PFKP: variants seen among roughly 807,000 people sequenced by gnomAD.
PFKP encodes the protein ATP-dependent 6-phosphofructokinase, platelet type.
PFKP carries 101 observed loss-of-function variants against 94.3 expected under a neutral mutation model. That is an observed-to-expected ratio of 1.07 (90% CI 0.91 to 1.26). The LOEUF (loss-of-function observed/expected upper bound fraction) is 1.26, where lower values mean the gene tolerates loss of function less well. Ranked by LOEUF, PFKP falls within the 50% of genes most tolerant of loss-of-function variation. The probability of loss-of-function intolerance (pLI) is 0.00; values close to 1 mark genes in which losing one functional copy is unlikely to be tolerated. For missense variants in PFKP, 1,145 were observed against 1,103.3 expected (o/e 1.04, Z -0.53); for synonymous variants, 573 against 432.6 (o/e 1.32, Z -4.03).
intron 2 of PFKP, among the ~76,000 whole-genome samples, chr10:3,098,723 G>A (rs1834713675): frequency 6.8e-6 from 1 of 147,584 alleles, no homozygotes; most frequent in Non-Finnish European, 1.5e-5. Flanking sequence ...CTATCAATGT[G>A]TCCTCACATA....
Position 3,132,360 on chromosome 10 carries a change from A to G in PFKP, c.1849-20A>G. On this transcript the variant is annotated intron_variant, in intron 17 of 21. Coordinates refer to ENST00000381125, the MANE Select transcript of PFKP (RefSeq NM_002627.5). ...CTTAGTAGAAGTTTATTGTCTGATTAACAAAATACTCTCTTCCAGTCCAAC... is the reference window on the plus strand; with the variant it reads ...CTTAGTAGAAGTTTATTGTCTGATTGACAAAATACTCTCTTCCAGTCCAAC... 4.4e-6 allele frequency: 7 copies of G among 1,584,554 alleles called. No homozygotes were observed. The highest frequency in any genetic ancestry group is 6.1e-6 in the Non-Finnish European group (7 of 1,153,352).
At chr10:3,103,612 G>GT (rs536826828) in intron 4 of PFKP, among the ~76,000 whole-genome samples, 167 bp from the exon 5 acceptor site, 74 of 152,356 alleles carry the variant, frequency 4.9e-4, no homozygotes, top group African/African-American at 1.8e-3. Context: ...CTGGTCAACA[G>GT]TGAGACCCTG....
At chr10:3,130,313 G>C (rs184428157) in intron 17 of PFKP, among the ~76,000 whole-genome samples, 1 of 152,210 alleles carries the variant, frequency 6.6e-6, no homozygotes. Flanking sequence ...CCACGTCTGC[G>C]ACAGGCTCTG....
In PFKP at chr10:3,112,301, A is replaced by T. The variant is rs1391646560; in HGVS notation, c.1154+15A>T. ...CTCCGAGGGAGGTGAGGTGCTTTGG[A>T]GAAAGCTCTGCCCTGTCAGGAACAC... On this transcript the variant is annotated intron_variant, in intron 11 of 21. Transcript: ENST00000381125. 1 of 1,606,030 alleles carries T rather than the reference A, an allele frequency of 6.2e-7. No homozygotes were observed. The highest frequency in any genetic ancestry group is 1.3e-5 in the African/African-American group (1 of 74,864).
chr10:3,125,129 A>T, intron 16 of PFKP: 1 of 1,334,030 alleles, frequency 7.5e-7, no homozygotes, highest in South Asian at 1.2e-5. Context: ...TGGCCGAGGC[A>T]CGAGGCCGCC....
chr10:3,130,636 T>C (rs542070756), intron 17 of PFKP, among the ~76,000 whole-genome samples: 1 of 152,332 alleles, frequency 6.6e-6, no homozygotes, highest in South Asian at 2.1e-4. Flanking sequence ...CTCGGCTTAC[T>C]GCAACCTCCA....
In PFKP at chr10:3,109,337, C is replaced by T. The variant is rs1370636461; in HGVS notation, c.964-18C>T. On this transcript the variant is annotated intron_variant, in intron 9 of 21. Transcript: ENST00000381125. Reference sequence around the variant, plus strand: ...AGGACGGGAGGCTGCCCCTGACCCACATGGACCTGGTTTCCAGGCCAGCCG... The same window carrying T: ...AGGACGGGAGGCTGCCCCTGACCCATATGGACCTGGTTTCCAGGCCAGCCG... The T allele has an allele frequency of 3.1e-6, 5 of 1,607,650 alleles. No individual in the cohort carries two copies. The highest frequency in any genetic ancestry group is 4.2e-6 in the Non-Finnish European group (5 of 1,179,970).
chr10:3,135,859 G>C (rs748858988), intron 21 of PFKP, 21 bp downstream of exon 21: 1 of 1,426,592 alleles, frequency 7.0e-7, no homozygotes, highest in Non-Finnish European at 9.9e-7. Flanking sequence ...TGGGTTCCCT[G>C]AGGCAATAAG....
At chr10:3,075,904 CAAAAA>C (rs577636701) in intron 1 of PFKP, among the ~76,000 whole-genome samples, 3 of 70,344 alleles carry the variant, frequency 4.3e-5, no homozygotes, top group Admixed American at 1.7e-4. Context: ...GACCCTATCG[CAAAAA>C]AAAAAAAAAA....
At position 3,083,860 on chromosome 10, in the gene PFKP, C is replaced by T. The variant is rs1833275068; in HGVS notation, c.186+1399C>T. ...GTTTCACCATGTTGGCCAGGCTGGT[C>T]TCGAACTCCTGACCTCAGGTGATCT... On this transcript the variant is annotated intron_variant, in intron 2 of 21. Coordinates refer to ENST00000381125, the MANE Select transcript of PFKP (RefSeq NM_002627.5). Among the ~76,000 whole-genome samples, 2 of 152,134 alleles carry T rather than the reference C, an allele frequency of 1.3e-5. 1 individual carries two copies. The highest frequency in any genetic ancestry group is 4.1e-4 in the South Asian group (2 of 4,828).
chr10:3,126,340 G>T (rs79843289), intron 16 of PFKP, among the ~76,000 whole-genome samples: 2,867 of 152,330 alleles, frequency 0.019, 39 homozygotes, highest in Non-Finnish European at 0.031. Flanking sequence ...GTCTTGCAGA[G>T]GCTGGCCCTG....
chr10:3,102,334 A>C (rs11251718), intron 4 of PFKP, among the ~76,000 whole-genome samples: 1 of 151,182 alleles, frequency 6.6e-6, no homozygotes, highest in Non-Finnish European at 1.5e-5. Flanking sequence ...TACATCATCC[A>C]GTACCAACTT....
At chr10:3,121,818 TTTTTTTTTTTTTC>T (rs1564339283) in intron 16 of PFKP, among the ~76,000 whole-genome samples, 3 of 47,970 alleles carry the variant, frequency 6.3e-5, no homozygotes, top group East Asian at 6.1e-4. Flanking sequence ...TTTTTTTTTT[TTTTTTTTTTTTTC>T]TTTTTTTGGA....
chr10:3,100,776 A>G, intron 3 of PFKP: 1 of 556,430 alleles, frequency 1.8e-6, no homozygotes, highest in Non-Finnish European at 3.2e-6. Context: ...GTGACGAATC[A>G]TGATCTATGT....
chr10:3,134,557 A>G lies in PFKP; in HGVS notation c.2097A>G (p.Ala699=), dbSNP rs147826841. The part of the protein sequence containing the change: ...ISARAMEWIT[A]KLKEARGRGK... The stretch of plus-strand genomic sequence containing the variant: ...CCAGAGCTATGGAGTGGATCACTGC[A>G]AAACTCAAGGAGGCCCGGGGCAGAG... The change falls in exon 20 of 22, where the codon GCA becomes GCG. Residue 699 remains alanine (A), a synonymous_variant. Coordinates refer to ENST00000381125, the MANE Select transcript of PFKP (RefSeq NM_002627.5). The G allele has an allele frequency of 8.2e-4, 1,318 of 1,613,856 alleles. 11 individuals are homozygous for G. In the African/African-American group the frequency reaches 0.016, roughly 19 times the overall value.
At chr10:3,105,831 G>GGC (rs1835491029) in intron 7 of PFKP, among the ~76,000 whole-genome samples, 1 of 152,176 alleles carries the variant, frequency 6.6e-6, no homozygotes, top group Non-Finnish European at 1.5e-5. Context: ...ATTTTCTATG[G>GGC]GTGGGTCTTT....
intron 16 of PFKP, among the ~76,000 whole-genome samples, chr10:3,126,574 G>A (rs889536132): frequency 5.9e-5 from 9 of 152,178 alleles, no homozygotes; most frequent in Non-Finnish European, 1.2e-4. Context: ...CCCCTGTCCC[G>A]TCTGGCCACC....
chr10:3,110,365 A>ATTTTTTTTTTT (rs57980780), intron 10 of PFKP, among the ~76,000 whole-genome samples: 365 of 92,496 alleles, frequency 3.9e-3, no homozygotes, highest in African/African-American at 6.0e-3. Flanking sequence ...CGCCTGGCTA[A>ATTTTTTTTTTT]TTTTTTTTTT....
At chr10:3,128,549 G>A (rs1397244123) in intron 16 of PFKP, among the ~76,000 whole-genome samples, 1 of 152,256 alleles carries the variant, frequency 6.6e-6, no homozygotes, top group Non-Finnish European at 1.5e-5. Context: ...GCTGAGGCCA[G>A]AATGTTTGCT....
Sources: allele counts gnomAD v4.1 joint callset (sites outside exome capture counted in the v4.1 genomes callset), GRCh38; gene constraint gnomAD v4.1.1; transcripts MANE v1.5; gene names NCBI Gene and HGNC (gene_info 2026-07-23, HGNC 2026-07-21).